SSPN: variants seen among roughly 807,000 people sequenced by gnomAD.
SSPN encodes sarcospan.
In SSPN, 15 loss-of-function variants were observed where a neutral mutation model predicts 19.1. The ratio of observed to expected loss-of-function variants is 0.78; its 90% CI spans 0.52 to 1.21. The LOEUF is 1.21. SSPN is among the 50% of genes most tolerant of loss of function. SSPN has a pLI of 0.00. For synonymous variants in SSPN, 147 were observed against 140.3 expected, an observed-to-expected ratio of 1.05 and a Z score of -0.34; for missense variants, 291 against 314.0, an observed-to-expected ratio of 0.93 and a Z score of 0.55.
At chr12:26,206,175 G>A (rs376062098) in intron 1 of SSPN, among the ~76,000 whole-genome samples, 130 of 152,174 alleles carry the variant, frequency 8.5e-4, no homozygotes, top group South Asian at 2.3e-3. Flanking sequence ...TGGCTAACCC[G>A]TGTTGCCATG....
upstream of SSPN, among the ~76,000 whole-genome samples, chr12:26,191,222 C>A (rs1944785518): frequency 6.6e-6 from 1 of 152,050 alleles, no homozygotes; most frequent in Admixed American, 6.6e-5. Flanking sequence ...GTGGAAAAAT[C>A]AAAATTACAT....
At chr12:26,126,039 A>C (rs1944361509) in intron 1 of SSPN, 1 of 151,918 alleles carries the variant, frequency 6.6e-6, no homozygotes, top group African/African-American at 2.4e-5. Context: ...TCAAACGGGT[A>C]CCAGCACAGG....
chr12:26,157,830 G>A (rs1424456004), intron 1 of SSPN, among the ~76,000 whole-genome samples: 5 of 152,142 alleles, frequency 3.3e-5, no homozygotes, highest in African/African-American at 1.2e-4. Context: ...CCATTATATG[G>A]CCTCTTTATG....
chr12:26,198,517 T>C (rs996560524), intron 1 of SSPN, among the ~76,000 whole-genome samples: 1 of 152,222 alleles, frequency 6.6e-6, no homozygotes, highest in Non-Finnish European at 1.5e-5. Context: ...ACGAATGGCA[T>C]GATTCAATGA....
intron 1 of SSPN, chr12:26,180,228 A>G (rs1944710658): frequency 6.6e-6 from 1 of 152,236 alleles, no homozygotes; most frequent in Non-Finnish European, 1.5e-5. Context: ...GAAAGGCAGC[A>G]TGAAAGAAGG....
At chr12:26,126,128 G>C (rs939740083) in intron 1 of SSPN, 5 of 152,334 alleles carry the variant, frequency 3.3e-5, no homozygotes, top group African/African-American at 1.2e-4. Flanking sequence ...TCGCCCTGCA[G>C]CCGCGGCGCT....
At chr12:26,193,739 T>C (rs983590768), upstream of SSPN, among the ~76,000 whole-genome samples, 1 of 152,112 alleles carries the variant, frequency 6.6e-6, no homozygotes, top group Admixed American at 6.6e-5. Context: ...CTGGTAAGAG[T>C]GAGTGCTATT....
At chr12:26,156,562 C>T (rs1944557023) in intron 1 of SSPN, among the ~76,000 whole-genome samples, 1 of 152,172 alleles carries the variant, frequency 6.6e-6, no homozygotes, top group Non-Finnish European at 1.5e-5. Context: ...CTCAGAAAGG[C>T]CCGCGGATTC....
At chr12:26,122,154 TGGGTGCGGCCGTGCGGGTGCTGG>T (rs1240309587) in intron 1 of SSPN, 4 of 1,544,046 alleles carry the variant, frequency 2.6e-6, no homozygotes, top group Admixed American at 2.0e-5. Context: ...GAAGGGCAGG[TGGGTGCGGCCGTGCGGGTGCTGG>T]GGGTGCGGCG....
chr12:26,228,129 C>T (rs906346627), intron 2 of SSPN, among the ~76,000 whole-genome samples: 2 of 152,096 alleles, frequency 1.3e-5, no homozygotes, highest in African/African-American at 4.8e-5. Flanking sequence ...GGTGCGGTGG[C>T]TCATGCCTGT....
At chr12:26,174,679 C>T (rs2137435770) in intron 1 of SSPN, among the ~76,000 whole-genome samples, 1 of 152,242 alleles carries the variant, frequency 6.6e-6, no homozygotes. Context: ...TGCCACCACA[C>T]CCGGCTCATT....
At chr12:26,163,782 T>A (rs892242452) in intron 1 of SSPN, among the ~76,000 whole-genome samples, 3 of 152,222 alleles carry the variant, frequency 2.0e-5, no homozygotes, top group Non-Finnish European at 4.4e-5. Context: ...ATTCAAACCA[T>A]GGGTTTATAA....
chr12:26,231,319 C>A lies in SSPN; in HGVS notation c.*243C>A. 2.1e-6 allele frequency: 1 copy of A among 483,122 alleles called. No individual in the cohort carries two copies. Among genetic ancestry groups the A allele is most frequent in the Non-Finnish European group, 3.5e-6 (1 of 289,202 alleles). The allele number at this position is 483,122 out of a possible 1,614,324, so 29.9% of individuals were successfully genotyped here. On this transcript the variant is annotated 3_prime_UTR_variant, in exon 3 of 3. Transcript: ENST00000242729. Reference sequence around the variant, plus strand: ...TTTGGGATATTAAAAGTTAACAGAACACTGAACAAGGAAAGAATGGCATAG... The same window carrying A: ...TTTGGGATATTAAAAGTTAACAGAAAACTGAACAAGGAAAGAATGGCATAG...
At chr12:26,229,651 A>G (rs1261581719) in intron 2 of SSPN, among the ~76,000 whole-genome samples, 1 of 152,224 alleles carries the variant, frequency 6.6e-6, no homozygotes, top group Non-Finnish European at 1.5e-5. Context: ...TGAAGTGTCC[A>G]TTTACCAGAA....
At chr12:26,124,797 T>A in intron 1 of SSPN, 1 of 1,614,046 alleles carries the variant, frequency 6.2e-7, no homozygotes, top group Non-Finnish European at 8.5e-7. Context: ...TGCTGTTCGT[T>A]TCCTCTGTTT....
intron 1 of SSPN, among the ~76,000 whole-genome samples, chr12:26,200,400 A>G (rs2137462640): frequency 6.6e-6 from 1 of 152,298 alleles, no homozygotes; most frequent in Non-Finnish European, 1.5e-5. Context: ...AGGTTTTAAA[A>G]ACCGATTTTA....
At chr12:26,150,362 A>G (rs79013843) in intron 1 of SSPN, among the ~76,000 whole-genome samples, 2,282 of 152,286 alleles carry the variant, frequency 0.015, 64 homozygotes, top group African/African-American at 0.053. Flanking sequence ...CCTCCCAAGT[A>G]TGGCATCCTC....
At chr12:26,131,389 G>A (rs906233258) in intron 1 of SSPN, among the ~76,000 whole-genome samples, 17 of 152,184 alleles carry the variant, frequency 1.1e-4, no homozygotes, top group African/African-American at 4.1e-4. Flanking sequence ...GTCTTTTTAC[G>A]TAGCAGACCT....
intron 1 of SSPN, chr12:26,122,809 T>G: frequency 6.3e-7 from 1 of 1,592,852 alleles, no homozygotes; most frequent in Non-Finnish European, 8.5e-7. Flanking sequence ...TCGGTGTCCG[T>G]GTCGTTCTCG....
Sources: gnomAD v4.1 joint callset for allele counts (sites outside exome capture counted in the v4.1 genomes callset) on GRCh38, gnomAD v4.1.1 for gene constraint, MANE v1.5 for transcripts, NCBI Gene and HGNC (gene_info 2026-07-23, HGNC 2026-07-21) for gene names.